Variants in MTBP observed in about 807,000 individuals in gnomAD.
MTBP encodes MDM2 binding protein.
A neutral mutation model predicts 117.0 loss-of-function variants in MTBP; 101 were observed. The observed-to-expected ratio is 0.86, with a 90% CI of 0.73 to 1.02. The LOEUF is 1.02. MTBP is among the 50% of genes least tolerant of loss of function. The pLI is 0.00. For missense variants in MTBP, 970 were observed against 1,030.9 expected (o/e 0.94, Z 0.81); for synonymous variants, 350 against 351.5 (o/e 1.00, Z 0.05).
rs957826166 is a variant in MTBP, at chr8:120,523,495, T to C, written c.*159T>C. The stretch of plus-strand genomic sequence containing the variant: ...CATGAATATATATTCTATATTTGTA[T>C]AGTTTGAGGGATGCTATGTTAATGT... On this transcript the variant is annotated 3_prime_UTR_variant, in exon 22 of 22. Coordinates refer to ENST00000305949, the MANE Select transcript of MTBP (RefSeq NM_022045.5). The C allele has an allele frequency of 2.5e-6, 1 of 393,622 alleles. No individual in the cohort carries two copies. The highest frequency in any genetic ancestry group is 4.3e-5 in the Admixed American group (1 of 23,524). The allele number at this position is 393,622 out of a possible 1,614,324, so 24.4% of individuals were successfully genotyped here.
chr8:120,516,194 G>T lies in MTBP; in HGVS notation c.2246+3G>T. On this transcript the variant is annotated splice_donor_region_variant and intron_variant, in intron 18 of 21. Transcript: ENST00000305949. ...AATTGCCTTTATCCCAGAAAAAGGTGATATATTACATGCACATAAATAGTA... is the reference window on the plus strand; with the variant it reads ...AATTGCCTTTATCCCAGAAAAAGGTTATATATTACATGCACATAAATAGTA... 3.1e-6 allele frequency: 5 copies of T among 1,604,868 alleles called. No homozygotes were observed. Among genetic ancestry groups the T allele is most frequent in the Non-Finnish European group, 4.3e-6 (5 of 1,173,032 alleles).
At position 120,457,960 on chromosome 8, in the gene MTBP, A is replaced by C. The variant is rs561959889; in HGVS notation, c.748-1255A>C. On this transcript the variant is annotated intron_variant, in intron 7 of 21. Transcript: ENST00000305949. ...GACTCCGTCTCAAGAAAAAAAAAAA[A>C]AACCCAAAAAAACCCCACATAGCCA... Among the ~76,000 whole-genome samples, 291 of 151,676 alleles carry C rather than the reference A, an allele frequency of 1.9e-3. 1 individual carries two copies. Among genetic ancestry groups the C allele is most frequent in the Middle Eastern group, 6.8e-3 (2 of 294 alleles).
intron 18 of MTBP, 135 bp from the exon 19 acceptor site, chr8:120,517,714 AAC>A: frequency 1.3e-6 from 1 of 750,702 alleles, no homozygotes; most frequent in Middle Eastern, 3.7e-4. Flanking sequence ...ATATAGTGGT[AAC>A]ACACTGGTAA....
At chr8:120,509,095 C>T (rs1385292859) in intron 16 of MTBP, among the ~76,000 whole-genome samples, 1 of 152,160 alleles carries the variant, frequency 6.6e-6, no homozygotes, top group Non-Finnish European at 1.5e-5. Flanking sequence ...TCTATACCCT[C>T]TGATATTTAA....
chr8:120,463,552 G>A lies in MTBP; in HGVS notation c.978-140G>A, dbSNP rs139019285. ...AAAATACTTATCCTTAGGGAAAGGCGTAATTGTTAACTGCTACAGTTAAAT... is the reference window on the plus strand; with the variant it reads ...AAAATACTTATCCTTAGGGAAAGGCATAATTGTTAACTGCTACAGTTAAAT... On this transcript the variant is annotated intron_variant, in intron 9 of 21. Transcript: ENST00000305949. The A allele has an allele frequency of 8.1e-4, 486 of 597,082 alleles. 1 individual carries two copies. Among genetic ancestry groups the A allele is most frequent in the African/African-American group, 7.4e-3 (402 of 54,630 alleles). 37.0% of individuals were successfully genotyped at this position (597,082 alleles called of 1,614,324 possible).
At chr8:120,497,692 A>G (rs1814499237) in intron 14 of MTBP, 138 bp downstream of exon 14, 1 of 587,508 alleles carries the variant, frequency 1.7e-6, no homozygotes, top group Admixed American at 3.6e-5. Flanking sequence ...TTATATAGAT[A>G]CAAGTATGTA....
intron 20 of MTBP, among the ~76,000 whole-genome samples, chr8:120,519,783 A>G (rs543611675): frequency 6.6e-6 from 1 of 152,128 alleles, no homozygotes; most frequent in Admixed American, 6.6e-5. Flanking sequence ...GCTATCATGG[A>G]AAGCAGGGGC....
intron 5 of MTBP, among the ~76,000 whole-genome samples, chr8:120,455,100 C>A (rs1813439959): frequency 6.6e-6 from 1 of 151,414 alleles, no homozygotes. Context: ...AGTACAATAG[C>A]ATTGATGATC....
At chr8:120,505,147 C>T (rs1023563200) in intron 15 of MTBP, among the ~76,000 whole-genome samples, 1 of 151,908 alleles carries the variant, frequency 6.6e-6, no homozygotes, top group African/African-American at 2.4e-5. Context: ...ATATAGGGCC[C>T]TGTTGCTTTC....
intron 11 of MTBP, among the ~76,000 whole-genome samples, chr8:120,480,146 A>G (rs1425429776): frequency 6.6e-6 from 1 of 152,042 alleles, no homozygotes; most frequent in East Asian, 1.9e-4. Flanking sequence ...CCCAATGCCT[A>G]TCAAAATTCC....
At chr8:120,457,948 GA>G (rs1420830763) in intron 7 of MTBP, among the ~76,000 whole-genome samples, 64 of 143,270 alleles carry the variant, frequency 4.5e-4, no homozygotes, top group Admixed American at 3.6e-3. Flanking sequence ...TCCGTCTCAA[GA>G]AAAAAAAAAA....
intron 19 of MTBP, 152 bp from the exon 20 acceptor site, chr8:120,518,552 T>A: frequency 2.1e-5 from 2 of 93,644 alleles, no homozygotes; most frequent in Non-Finnish European, 6.1e-5. Flanking sequence ...ATGTTAGATC[T>A]TTTTTTTCTC....
intron 19 of MTBP, 71 bp from the exon 20 acceptor site, chr8:120,518,633 A>G: frequency 1.0e-6 from 1 of 973,956 alleles, no homozygotes; most frequent in Non-Finnish European, 1.5e-6. Flanking sequence ...ACAGGATTGA[A>G]CTCTAAAGCT....
chr8:120,476,779 C>A (rs1040935332), intron 11 of MTBP, among the ~76,000 whole-genome samples: 4 of 152,146 alleles, frequency 2.6e-5, no homozygotes, highest in Admixed American at 6.5e-5. Flanking sequence ...AAGACTATTT[C>A]ATGCTCATAG....
chr8:120,484,485 G>GTA (rs530441030), intron 11 of MTBP, among the ~76,000 whole-genome samples: 129 of 150,970 alleles, frequency 8.5e-4, no homozygotes, highest in African/African-American at 2.0e-3. Context: ...ATTTTGGGAT[G>GTA]TATATATATA....
At position 120,516,109 on chromosome 8, in the gene MTBP, G is replaced by A; in HGVS notation, c.2164G>A (p.Val722Ile). The A allele has an allele frequency of 1.2e-6, 2 of 1,612,926 alleles. No homozygotes were observed. The highest frequency in any genetic ancestry group is 1.3e-5 in the African/African-American group (1 of 74,974). ...SDPGSVPDGE[V>I]LQNELRTEVS... is the part of the protein sequence containing the mutation. ...TCCTGGAAGTGTCCCTGACGGAGAA[G>A]TTTTACAAAATGAACTTCGAACTGA... is the stretch of plus-strand genomic sequence containing the variant. The change falls in exon 18 of 22, where the codon GTT (valine) becomes ATT (isoleucine). Residue 722 changes from valine to isoleucine, a missense_variant. Val to Ile is a conservative substitution (Grantham distance 29). Coordinates refer to ENST00000305949, the MANE Select transcript of MTBP (RefSeq NM_022045.5).
chr8:120,517,736 T>G lies in MTBP; in HGVS notation c.2247-115T>G. 2.9e-6 allele frequency: 3 copies of G among 1,038,756 alleles called. No individual in the cohort carries two copies. In the South Asian group the frequency reaches 5.0e-5, roughly 17 times the overall value. The allele number at this position is 1,038,756 out of a possible 1,614,324, so 64.3% of individuals were successfully genotyped here. A position where few individuals can be genotyped will look rare whatever the true frequency, so the allele number is the denominator to read the frequency against. ...GGTAACACACTGGTAAGACAGAAAA[T>G]GAACTTCGATGTTGATTCACTTAAT... On this transcript the variant is annotated intron_variant, in intron 18 of 21. Transcript: ENST00000305949.
chr8:120,458,701 C>T (rs1007072545), intron 7 of MTBP, among the ~76,000 whole-genome samples: 2 of 151,878 alleles, frequency 1.3e-5, no homozygotes, highest in African/African-American at 4.8e-5. Context: ...ATTAGCTGGG[C>T]ATGGTGGCAG....
intron 13 of MTBP, 89 bp downstream of exon 13, chr8:120,490,659 A>G (rs1814325640): frequency 1.3e-6 from 1 of 743,926 alleles, no homozygotes; most frequent in Admixed American, 3.3e-5. Context: ...TTTTTCATAT[A>G]TAGTTTATCT....
Sources: gnomAD v4.1 joint callset for allele counts (sites outside exome capture counted in the v4.1 genomes callset) on GRCh38, gnomAD v4.1.1 for gene constraint, MANE v1.5 for transcripts, NCBI Gene and HGNC (gene_info 2026-07-23, HGNC 2026-07-21) for gene names.